CFAP43: variants seen among roughly 807,000 people sequenced by gnomAD.
The protein encoded by CFAP43 is cilia and flagella associated protein 43.
Under a neutral mutation model 218.9 loss-of-function variants are expected in CFAP43, and 155 were observed. The observed-to-expected ratio is 0.71, with a 90% CI of 0.62 to 0.81. CFAP43 has a LOEUF of 0.81. CFAP43 is among the 30% of genes least tolerant of loss of function. CFAP43 has a pLI of 0.00. For synonymous variants in CFAP43, 645 were observed against 681.3 expected (o/e 0.95, Z 0.83); for missense variants, 1,778 against 1,954.3 (o/e 0.91, Z 1.70).
chr10:104,225,649 T>C (rs1313040179), intron 2 of CFAP43, 92 bp from the exon 3 acceptor site: 4 of 1,043,874 alleles, frequency 3.8e-6, no homozygotes, highest in Non-Finnish European at 5.4e-6. Flanking sequence ...TTGCTAATGA[T>C]TTTCACGTAA....
At position 104,143,674 on chromosome 10, in the gene CFAP43, C is replaced by T. The variant is rs752780175; in HGVS notation, c.3945-35G>A. ...CCAAGAAAAGCCCATCAACATTTCACATTCTCATAAAAACATCAATGTGAA... is the reference window on the plus strand; with the variant it reads ...CCAAGAAAAGCCCATCAACATTTCATATTCTCATAAAAACATCAATGTGAA... On this transcript the variant is annotated intron_variant, in intron 31 of 37. Coordinates refer to ENST00000357060, the MANE Select transcript of CFAP43 (RefSeq NM_025145.7). 3.0e-5 allele frequency: 48 copies of T among 1,600,738 alleles called. No individual in the cohort carries two copies. In the South Asian group the frequency reaches 5.1e-4, roughly 17 times the overall value.
chr10:104,162,453 T>G, intron 24 of CFAP43, 50 bp from the exon 25 acceptor site: 1 of 1,517,164 alleles, frequency 6.6e-7, no homozygotes, highest in Non-Finnish European at 9.2e-7. Context: ...AAATTCAAAC[T>G]AAACTTTCCT....
chr10:104,142,500 C>T (rs563772256), intron 32 of CFAP43, 107 bp from the exon 33 acceptor site: 10 of 647,860 alleles, frequency 1.5e-5, no homozygotes, highest in South Asian at 5.7e-5. Context: ...GTCTATCTTT[C>T]GAAGAAAGTA....
At chr10:104,208,586 G>C (rs1167455291) in intron 5 of CFAP43, among the ~76,000 whole-genome samples, 2 of 152,088 alleles carry the variant, frequency 1.3e-5, no homozygotes, top group African/African-American at 4.8e-5. Flanking sequence ...AAAAATAAAG[G>C]GTACCAGTAG....
At chr10:104,180,087 A>G (rs2089776809) in intron 17 of CFAP43, among the ~76,000 whole-genome samples, 155 bp from the exon 18 acceptor site, 1 of 152,156 alleles carries the variant, frequency 6.6e-6, no homozygotes, top group Non-Finnish European at 1.5e-5. Context: ...AAGATGTAAC[A>G]TTTTATTCAG....
chr10:104,206,102 GC>G, intron 6 of CFAP43, 72 bp from the exon 7 acceptor site: 2 of 1,229,372 alleles, frequency 1.6e-6, no homozygotes, highest in Non-Finnish European at 2.3e-6. Context: ...AATAATAAAA[GC>G]TACTTTTACT....
chr10:104,179,097 T>C lies in CFAP43; in HGVS notation c.2392A>G (p.Lys798Glu). 1 of 1,613,040 alleles carries C rather than the reference T, an allele frequency of 6.2e-7. No homozygotes were observed. The highest frequency in any genetic ancestry group is 8.5e-7 in the Non-Finnish European group (1 of 1,179,420). ...IQQKSQEAIK[K>E]EVNLFSKKRK... ...TTCTTGGAAAACAGATTAACCTCCT[T>C]TTTGATGGCCTGAAACAGAACAAGT... The change falls in exon 19 of 38, where the codon AAG becomes GAG. Residue 798 changes from lysine (K) to glutamate (E), a missense_variant. By Grantham distance (56) the Lys-to-Glu change is moderately conservative. Around this residue, in one of 3 missense-constraint regions of CFAP43, gnomAD observed 1,553 missense variants for 1,685.2 expected, o/e 0.92. Coordinates refer to ENST00000357060, the MANE Select transcript of CFAP43 (RefSeq NM_025145.7).
Position 104,219,943 on chromosome 10 carries a change from C to G in CFAP43, c.417-5517G>C, listed in dbSNP as rs150588000. On this transcript the variant is annotated intron_variant, in intron 3 of 37. Coordinates refer to ENST00000357060, the MANE Select transcript of CFAP43 (RefSeq NM_025145.7). ...GCTATGGGTTGAACTGTGCCTCCCC[C>G]AAATTCCCGTGTTAATATCCTAACC... Among the ~76,000 whole-genome samples, 620 of 152,280 alleles carry G rather than the reference C, an allele frequency of 4.1e-3. 1 individual carries two copies. Among genetic ancestry groups the G allele is most frequent in the Non-Finnish European group, 6.7e-3 (457 of 68,022 alleles).
At chr10:104,171,546 T>C (rs889496257) in intron 20 of CFAP43, among the ~76,000 whole-genome samples, 3 of 152,226 alleles carry the variant, frequency 2.0e-5, no homozygotes, top group Non-Finnish European at 2.9e-5. Flanking sequence ...TTTAATCTAT[T>C]ATAATCCACC....
At chr10:104,141,071 T>C in intron 33 of CFAP43, 70 bp from the exon 34 acceptor site, 1 of 1,459,794 alleles carries the variant, frequency 6.9e-7, no homozygotes, top group Non-Finnish European at 9.2e-7. Flanking sequence ...TCTGAGAATA[T>C]AAAAATCGAA....
chr10:104,220,091 C>G (rs1298687764), intron 3 of CFAP43, among the ~76,000 whole-genome samples: 1 of 152,136 alleles, frequency 6.6e-6, no homozygotes, highest in African/African-American at 2.4e-5. Context: ...ATAAAGGGAA[C>G]ATTTGGAGAC....
At chr10:104,167,881 A>T in intron 21 of CFAP43, 144 bp from the exon 22 acceptor site, 1 of 562,422 alleles carries the variant, frequency 1.8e-6, no homozygotes, top group Non-Finnish European at 3.1e-6. Context: ...AAACCTTTTT[A>T]AAAATAAAAC....
At chr10:104,192,061 T>C in intron 12 of CFAP43, 138 bp downstream of exon 12, 2 of 632,266 alleles carry the variant, frequency 3.2e-6, no homozygotes, top group Non-Finnish European at 5.3e-6. Flanking sequence ...TAAGTAACTT[T>C]AGTTATTTAA....
chr10:104,211,116 T>C (rs773610831), intron 5 of CFAP43, among the ~76,000 whole-genome samples: 1 of 152,124 alleles, frequency 6.6e-6, no homozygotes, highest in African/African-American at 2.4e-5. Context: ...AATCTTAGCT[T>C]AAGTGTCATC....
chr10:104,224,023 A>G (rs2091247798), intron 3 of CFAP43, among the ~76,000 whole-genome samples: 1 of 152,150 alleles, frequency 6.6e-6, no homozygotes, highest in Non-Finnish European at 1.5e-5. Flanking sequence ...GAACACAAGG[A>G]AACTTTTGGG....
intron 1 of CFAP43, 81 bp from the exon 2 acceptor site, chr10:104,230,924 AT>A (rs2091434243): frequency 7.0e-7 from 1 of 1,422,660 alleles, no homozygotes; most frequent in South Asian, 1.5e-5. Context: ...GGTCATCAAA[AT>A]CTTTGAAACA....
chr10:104,166,575 A>G lies in CFAP43; in HGVS notation c.2952T>C (p.Thr984=). The change falls in exon 23 of 38, where the codon ACT becomes ACC. Residue 984 remains threonine, a synonymous_variant. Transcript: ENST00000357060. ...LPNYLLGSLS[T]DFGVDTSLLS... is the part of the protein sequence containing the mutation. Reference sequence around the variant, plus strand: ...ATAAAGAGGTATCTACCCCAAAATCAGTACTCAGACTACCAAGCAGGTAAT... The same window carrying G: ...ATAAAGAGGTATCTACCCCAAAATCGGTACTCAGACTACCAAGCAGGTAAT... 6.2e-7 allele frequency: 1 copy of G among 1,614,190 alleles called. No homozygotes were observed. Among genetic ancestry groups the G allele is most frequent in the Non-Finnish European group, 8.5e-7 (1 of 1,180,036 alleles).
chr10:104,156,031 TAAA>T (rs926791432), intron 27 of CFAP43, among the ~76,000 whole-genome samples: 3 of 151,476 alleles, frequency 2.0e-5, no homozygotes, highest in Non-Finnish European at 4.4e-5. Context: ...TACTTTGAAA[TAAA>T]AAAGAAGGGA....
At chr10:104,182,739 T>C (rs1227967942) in intron 16 of CFAP43, among the ~76,000 whole-genome samples, 1 of 151,940 alleles carries the variant, frequency 6.6e-6, no homozygotes, top group African/African-American at 2.4e-5. Flanking sequence ...AGAGAAAGGG[T>C]CTTGCTCTGT....
Sources: gnomAD v4.1 joint callset for allele counts (sites outside exome capture counted in the v4.1 genomes callset) on GRCh38, gnomAD v4.1.1 for gene constraint, gnomAD v4.1.1 regional missense constraint, MANE v1.5 for transcripts, NCBI Gene and HGNC (gene_info 2026-07-23, HGNC 2026-07-21) for gene names.